SAMD5: variants seen among roughly 807,000 people sequenced by gnomAD.
The protein encoded by SAMD5 is sterile alpha motif domain-containing protein 5.
A neutral mutation model predicts 11.3 loss-of-function variants in SAMD5; 13 were observed. The ratio of observed to expected loss-of-function variants is 1.15; its 90% CI spans 0.75 to 1.83. The LOEUF (loss-of-function observed/expected upper bound fraction) is 1.83, where lower values mean the gene tolerates loss of function less well. SAMD5 is among the 40% of genes most tolerant of loss of function. The pLI is 0.00. For synonymous variants in SAMD5, 129 were observed against 111.3 expected, an observed-to-expected ratio of 1.16 and a Z score of -1.00; for missense variants, 255 against 239.1, an observed-to-expected ratio of 1.07 and a Z score of -0.44.
intron 1 of SAMD5, among the ~76,000 whole-genome samples, chr6:147,612,882 G>A (rs1335746460): frequency 6.6e-6 from 1 of 152,088 alleles, no homozygotes; most frequent in Non-Finnish European, 1.5e-5. Context: ...CCTTCCTGAA[G>A]TTGTCACAAA....
At chr6:147,732,254 C>A (rs1791726716) in intron 1 of SAMD5, among the ~76,000 whole-genome samples, 1 of 152,132 alleles carries the variant, frequency 6.6e-6, no homozygotes, top group Non-Finnish European at 1.5e-5. Flanking sequence ...GCAATCATAG[C>A]CTCCTAATCA....
intron 1 of SAMD5, among the ~76,000 whole-genome samples, chr6:147,684,414 A>G (rs1790981268): frequency 6.6e-6 from 1 of 152,140 alleles, no homozygotes; most frequent in Admixed American, 6.6e-5. Flanking sequence ...ACAGTGTTGT[A>G]TATAATTTTT....
At chr6:147,578,791 TA>T (rs36033270) in intron 1 of SAMD5, among the ~76,000 whole-genome samples, 104,386 of 149,252 alleles carry the variant, frequency 0.7, 36,375 homozygotes, top group South Asian at 0.76. Flanking sequence ...ATCTGCGAAG[TA>T]AAAAAAAAAA....
chr6:147,722,923 C>T (rs950396961), intron 1 of SAMD5, among the ~76,000 whole-genome samples: 19 of 152,158 alleles, frequency 1.2e-4, no homozygotes, highest in Non-Finnish European at 1.5e-5. Flanking sequence ...GTTTCTTGGA[C>T]TTCGAATTCT....
the SAMD5 span, among the ~76,000 whole-genome samples, chr6:147,872,039 G>A: frequency 7.9e-4 from 120 of 152,268 alleles, no homozygotes; most frequent in Non-Finnish European, 1.4e-3. Flanking sequence ...AGAATCATGA[G>A]CATTTCTCCA....
Position 147,567,796 on chromosome 6 carries a change from A to G in SAMD5, c.*3340A>G. On this transcript the variant is annotated 3_prime_UTR_variant, in exon 2 of 2. Coordinates refer to ENST00000367474, the MANE Select transcript of SAMD5 (RefSeq NM_001030060.3). The stretch of plus-strand genomic sequence containing the variant: ...AAGTCCCCTTTGATTTCTCTCAGGA[A>G]GGATAAAAAAGGCTACAGTACCTGC... 3.0e-6 allele frequency: 3 copies of G among 985,344 alleles called. No homozygotes were observed. The highest frequency in any genetic ancestry group is 3.6e-6 in the Non-Finnish European group (3 of 829,862). The allele number at this position is 985,344 out of a possible 1,614,324, so 61.0% of individuals were successfully genotyped here.
At chr6:147,777,925 T>C in the SAMD5 span, among the ~76,000 whole-genome samples, 1 of 152,238 alleles carries the variant, frequency 6.6e-6, no homozygotes, top group African/African-American at 2.4e-5. Context: ...GATGGACATT[T>C]GGTTGTTTCC....
chr6:147,562,897 A>G (rs547992838), intron 1 of SAMD5, among the ~76,000 whole-genome samples: 1 of 152,232 alleles, frequency 6.6e-6, no homozygotes, highest in East Asian at 1.9e-4. Flanking sequence ...TCTCTATGGA[A>G]TTTTCCCTCA....
At chr6:147,636,247 A>G (rs1790229155) in intron 1 of SAMD5, among the ~76,000 whole-genome samples, 2 of 152,210 alleles carry the variant, frequency 1.3e-5, no homozygotes, top group South Asian at 4.1e-4. Flanking sequence ...CAGTGGAGGT[A>G]TTCAGAAAGG....
the SAMD5 span, among the ~76,000 whole-genome samples, chr6:147,909,583 T>C: frequency 6.4e-3 from 410 of 64,532 alleles, 2 homozygotes; most frequent in African/African-American, 0.036. Context: ...TTTCTTTCTT[T>C]CTTTCTTTCT....
At chr6:147,648,210 G>A (rs909609713) in intron 1 of SAMD5, among the ~76,000 whole-genome samples, 2 of 152,176 alleles carry the variant, frequency 1.3e-5, no homozygotes, top group Non-Finnish European at 2.9e-5. Context: ...TGGCGAGGGA[G>A]GCCTCAGGAA....
intron 1 of SAMD5, among the ~76,000 whole-genome samples, chr6:147,708,420 C>T (rs993146654): frequency 6.6e-6 from 1 of 152,172 alleles, no homozygotes; most frequent in Non-Finnish European, 1.5e-5. Context: ...TTGTTTAAGC[C>T]ACCCAGTCTG....
Position 147,564,567 on chromosome 6 carries a change from T to A in SAMD5, c.*111T>A. 1 of 1,201,822 alleles carries A rather than the reference T, an allele frequency of 8.3e-7. No homozygotes were observed. Among genetic ancestry groups the A allele is most frequent in the South Asian group, 1.4e-5 (1 of 70,828 alleles). The allele number at this position is 1,201,822 out of a possible 1,614,324, so 74.4% of individuals were successfully genotyped here. A position where few individuals can be genotyped will look rare whatever the true frequency, so the allele number is the denominator to read the frequency against. On this transcript the variant is annotated 3_prime_UTR_variant, in exon 2 of 2. Transcript: ENST00000367474. ...AAATGGATGATGACCCTGGAAATAC[T>A]CATCAGCTTAACTTTTTGCTTGGAC...
At chr6:147,760,606 G>C in the SAMD5 span, among the ~76,000 whole-genome samples, 76 of 152,132 alleles carry the variant, frequency 5.0e-4, no homozygotes, top group Non-Finnish European at 3.4e-4. Context: ...AATCAAAGAG[G>C]GATGTTCATT....
chr6:147,876,040 T>A, the SAMD5 span, among the ~76,000 whole-genome samples: 1 of 152,100 alleles, frequency 6.6e-6, no homozygotes, highest in African/African-American at 2.4e-5. Flanking sequence ...GCCAATAAGG[T>A]TGGGGACCTC....
chr6:147,953,137 A>G, the SAMD5 span, among the ~76,000 whole-genome samples: 1 of 152,094 alleles, frequency 6.6e-6, no homozygotes, highest in East Asian at 1.9e-4. Context: ...ATCTAATTCC[A>G]GTTTACTTTG....
chr6:147,816,313 T>A, the SAMD5 span, among the ~76,000 whole-genome samples: 562 of 120,046 alleles, frequency 4.7e-3, 4 homozygotes, highest in Non-Finnish European at 6.7e-3. Context: ...TATATATATA[T>A]ATATATATAT....
chr6:147,745,835 G>A, the SAMD5 span, among the ~76,000 whole-genome samples: 3 of 149,780 alleles, frequency 2.0e-5, no homozygotes, highest in East Asian at 2.0e-4. Flanking sequence ...CTGGACTATG[G>A]TGATGGGAAC....
chr6:147,553,412 A>G (rs1329763538), intron 1 of SAMD5, among the ~76,000 whole-genome samples: 1 of 152,194 alleles, frequency 6.6e-6, no homozygotes, highest in Non-Finnish European at 1.5e-5. Context: ...GGTTTGAGGT[A>G]GTATGCCTCA....
Sources: gnomAD v4.1 joint callset for allele counts (sites outside exome capture counted in the v4.1 genomes callset) on GRCh38, gnomAD v4.1.1 for gene constraint, MANE v1.5 for transcripts, NCBI Gene and HGNC (gene_info 2026-07-23, HGNC 2026-07-21) for gene names.